AK7: variants seen among roughly 807,000 people sequenced by gnomAD.
The protein encoded by AK7 is adenylate kinase 7, also known as ATP-AMP transphosphorylase 7.
In AK7, 78 loss-of-function variants were observed where a neutral mutation model predicts 96.6. The ratio of observed to expected loss-of-function variants is 0.81; its 90% confidence interval spans 0.67 to 0.97. The LOEUF is 0.97. Among genes scored for constraint, AK7 ranks in the 50% least tolerant of loss-of-function variants. The pLI, the probability that AK7 is intolerant of heterozygous loss-of-function variation, is 0.00. For synonymous variants in AK7, 302 were observed against 317.2 expected (o/e 0.95, Z 0.51); for missense variants, 855 against 887.9 (o/e 0.96, Z 0.47).
chr14:96,469,815 G>GT (rs1424742836), intron 12 of AK7, among the ~76,000 whole-genome samples: 1 of 151,766 alleles, frequency 6.6e-6, no homozygotes, highest in Non-Finnish European at 1.5e-5. Context: ...TTTGTGTTTT[G>GT]TTTTTTGTTT....
intron 12 of AK7, among the ~76,000 whole-genome samples, chr14:96,465,952 A>G (rs1030401802): frequency 6.7e-6 from 1 of 149,422 alleles, no homozygotes; most frequent in Non-Finnish European, 1.5e-5. Flanking sequence ...GGAGGTTGCA[A>G]TGAGCCAAGA....
chr14:96,460,545 A>G (rs11620806), intron 12 of AK7, among the ~76,000 whole-genome samples: 47,437 of 151,982 alleles, frequency 0.31, 8,409 homozygotes, highest in African/African-American at 0.49. Flanking sequence ...TCCTACTGAG[A>G]ACTGCCCACT....
rs751579622 is a variant in AK7 at position 96,420,786 on chromosome 14, A to G, written c.499-36A>G. 4 of 1,477,094 alleles carry G rather than the reference A, an allele frequency of 2.7e-6. No homozygotes were observed. The South Asian group carries it at 4.7e-5, about 17-fold the overall frequency. The allele number at this position is 1,477,094 out of a possible 1,614,324, so 91.5% of individuals were successfully genotyped here. On this transcript the variant is annotated intron_variant, in intron 4 of 17. Coordinates refer to ENST00000267584, the MANE Select transcript of AK7 (RefSeq NM_152327.5). ...CTTAGAAGTCACACATCTCTAATTCACCAAGTCTGTACCTTTTCTTTCTTT... is the reference window on the plus strand; with the variant it reads ...CTTAGAAGTCACACATCTCTAATTCGCCAAGTCTGTACCTTTTCTTTCTTT...
chr14:96,400,185 C>A (rs1284603492), intron 2 of AK7, among the ~76,000 whole-genome samples: 1 of 151,730 alleles, frequency 6.6e-6, no homozygotes, highest in Non-Finnish European at 1.5e-5. Context: ...ACTACAAGCG[C>A]GTGCCACCAC....
chr14:96,474,781 A>G (rs1302925256), intron 14 of AK7, among the ~76,000 whole-genome samples: 1 of 152,256 alleles, frequency 6.6e-6, no homozygotes, highest in East Asian at 1.9e-4. Flanking sequence ...CATAACACCC[A>G]TAACATCCAG....
chr14:96,443,480 C>T (rs1158452674), intron 7 of AK7, among the ~76,000 whole-genome samples: 1 of 152,154 alleles, frequency 6.6e-6, no homozygotes, highest in Non-Finnish European at 1.5e-5. Flanking sequence ...TTCAGATTCC[C>T]ACTCTTTCTC....
chr14:96,453,019 T>C (rs543323154), intron 10 of AK7, among the ~76,000 whole-genome samples: 7 of 152,164 alleles, frequency 4.6e-5, no homozygotes, highest in Non-Finnish European at 1.0e-4. Context: ...GAGTAACAGG[T>C]GTCATCATAA....
chr14:96,461,064 G>A (rs1439955009), intron 12 of AK7, among the ~76,000 whole-genome samples: 1 of 152,252 alleles, frequency 6.6e-6, no homozygotes, highest in Non-Finnish European at 1.5e-5. Context: ...ATTCCAGAGA[G>A]ATTTCCCAGA....
intron 14 of AK7, among the ~76,000 whole-genome samples, chr14:96,474,186 T>G (rs1895054660): frequency 1.3e-5 from 2 of 152,156 alleles, no homozygotes; most frequent in South Asian, 4.1e-4. Context: ...CTCACTGGTA[T>G]CAAGTCCCCG....
At chr14:96,486,366 G>T (rs1895771033) in intron 16 of AK7, among the ~76,000 whole-genome samples, 1 of 152,170 alleles carries the variant, frequency 6.6e-6, no homozygotes, top group Non-Finnish European at 1.5e-5. Context: ...GTTATTATTA[G>T]TCATGTATTT....
At chr14:96,469,604 G>A (rs1421840497) in intron 12 of AK7, among the ~76,000 whole-genome samples, 2 of 152,186 alleles carry the variant, frequency 1.3e-5, no homozygotes, top group African/African-American at 4.8e-5. Context: ...TTTTTATTTG[G>A]CTTCATTTCT....
Position 96,456,399 on chromosome 14 carries a change from C to G in AK7, c.1151C>G (p.Ala384Gly). 1 of 1,613,888 alleles carries G rather than the reference C, an allele frequency of 6.2e-7. No individual in the cohort carries two copies. The highest frequency in any genetic ancestry group is 8.5e-7 in the Non-Finnish European group (1 of 1,179,844). Residue 384 changes from alanine (A) to glycine (G), a missense_variant, in exon 11 of 18, where the codon GCT becomes GGT. Coordinates refer to ENST00000267584, the MANE Select transcript of AK7 (RefSeq NM_152327.5). ...CCTGCTGTGGGAAAATCCAGTATTGCTAAAGAATTGGCCAACTACTACAAA... is the reference window on the plus strand; with the variant it reads ...CCTGCTGTGGGAAAATCCAGTATTGGTAAAGAATTGGCCAACTACTACAAA... ...GPPAVGKSSI[A>G]KELANYYKLH...
At chr14:96,412,077 G>T (rs117943019) in intron 4 of AK7, among the ~76,000 whole-genome samples, 3,064 of 152,262 alleles carry the variant, frequency 0.02, 51 homozygotes, top group Non-Finnish European at 0.031. Flanking sequence ...CCAAAGAAGG[G>T]TTTCCTCTGC....
chr14:96,449,437 T>C (rs1893451232), intron 8 of AK7, among the ~76,000 whole-genome samples: 2 of 152,144 alleles, frequency 1.3e-5, no homozygotes, highest in Admixed American at 1.3e-4. Context: ...TTTGTTTGTT[T>C]GTTTGTTTGC....
At position 96,408,820 on chromosome 14, in the gene AK7, T is replaced by A. The variant is rs377044360; in HGVS notation, c.404-27T>A. On this transcript the variant is annotated intron_variant, in intron 3 of 17. Transcript: ENST00000267584. The stretch of plus-strand genomic sequence containing the variant: ...AAACCAAGTTGTGCATGGGTCCAAA[T>A]AACCACTCTGCTTTTTGGCCCCACA... The A allele has an allele frequency of 4.8e-5, 77 of 1,610,858 alleles. No homozygotes were observed. In the African/African-American group the frequency reaches 9.1e-4, roughly 19 times the overall value.
chr14:96,487,383 CAAAAAA>C (rs150742803), intron 17 of AK7, among the ~76,000 whole-genome samples: 3 of 46,756 alleles, frequency 6.4e-5, no homozygotes, highest in African/African-American at 3.1e-4. Flanking sequence ...GACTCCGTCT[CAAAAAA>C]AAAAAAAAAA....
chr14:96,449,016 G>A (rs1289277636), intron 8 of AK7, among the ~76,000 whole-genome samples: 1 of 152,014 alleles, frequency 6.6e-6, no homozygotes, highest in Non-Finnish European at 1.5e-5. Flanking sequence ...TGCCTGACGA[G>A]GGCCTGCTTT....
At chr14:96,455,419 AG>A (rs1337915080) in intron 10 of AK7, among the ~76,000 whole-genome samples, 5 of 152,158 alleles carry the variant, frequency 3.3e-5, no homozygotes, top group African/African-American at 7.2e-5. Flanking sequence ...CAGGAGTTCG[AG>A]GCTGCAGTGA....
chr14:96,446,707 G>A (rs1893254503), intron 8 of AK7, 100 bp downstream of exon 8: 7 of 955,180 alleles, frequency 7.3e-6, no homozygotes, highest in Non-Finnish European at 1.1e-5. Flanking sequence ...TTGGGAGTCC[G>A]AGGCGGGTGG....
Sources: allele counts gnomAD v4.1 joint callset (sites outside exome capture counted in the v4.1 genomes callset), GRCh38; gene constraint gnomAD v4.1.1; transcripts MANE v1.5; gene names NCBI Gene and HGNC (gene_info 2026-07-23, HGNC 2026-07-21).